The following PATJ variants were observed in gnomAD, a reference collection of about 807,000 sequenced individuals.
PATJ encodes the protein PATJ crumbs cell polarity complex component.
In PATJ, 190 loss-of-function variants were observed where a neutral mutation model predicts 224.9. The observed-to-expected ratio is 0.84, with a 90% CI of 0.75 to 0.95. PATJ has a LOEUF of 0.95. Ranked by LOEUF, PATJ falls within the 40% of genes least tolerant of loss-of-function variation. The pLI, the probability that PATJ is intolerant of heterozygous loss-of-function variation, is 0.00. For synonymous variants in PATJ, 769 were observed against 820.3 expected, an observed-to-expected ratio of 0.94 and a Z score of 1.07; for missense variants, 2,121 against 2,270.3, an observed-to-expected ratio of 0.93 and a Z score of 1.34.
intron 27 of PATJ, among the ~76,000 whole-genome samples, chr1:61,963,818 G>T (rs1413635428): frequency 6.6e-6 from 1 of 152,026 alleles, no homozygotes; most frequent in Non-Finnish European, 1.5e-5. Context: ...AGGGTTAATT[G>T]TATAGAATAA....
chr1:62,161,740 G>C lies in PATJ; in HGVS notation c.*686G>C, dbSNP rs920618520. On this transcript the variant is annotated 3_prime_UTR_variant, in exon 44 of 44. Coordinates refer to ENST00000642238, the MANE Select transcript of PATJ (RefSeq NM_001350145.3). ...TCTCTCCCTATCCCCTACTCACACC[G>C]AGGCTTAACAGCAACCTCAGATCTC... 3.9e-5 allele frequency: 6 copies of C among 152,126 alleles called. No homozygotes were observed. Among genetic ancestry groups the C allele is most frequent in the African/African-American group, 1.4e-4 (6 of 41,412 alleles). The allele number at this position is 152,126 out of a possible 1,614,324, so 9.4% of individuals were successfully genotyped here.
At position 62,079,568 on chromosome 1, in the gene PATJ, G is replaced by A. The variant is rs1220736664; in HGVS notation, c.4243+1G>A. 2 of 1,569,574 alleles carry A rather than the reference G, an allele frequency of 1.3e-6. No homozygotes were observed. Among genetic ancestry groups the A allele is most frequent in the South Asian group, 1.1e-5 (1 of 89,506 alleles). ...ACAGATGCAGACTTCACAGGCTATGGTATGATTCTTTCTCTCAGCAGATCT... is the reference window on the plus strand; with the variant it reads ...ACAGATGCAGACTTCACAGGCTATGATATGATTCTTTCTCTCAGCAGATCT... On this transcript the variant is annotated splice_donor_variant, in intron 32 of 43. Coordinates refer to ENST00000642238, the MANE Select transcript of PATJ (RefSeq NM_001350145.3). LOFTEE classifies it high-confidence loss of function.
At chr1:62,144,208 A>G (rs1339040472) in intron 41 of PATJ, among the ~76,000 whole-genome samples, 1 of 152,176 alleles carries the variant, frequency 6.6e-6, no homozygotes, top group Non-Finnish European at 1.5e-5. Context: ...TAACTTGGAC[A>G]TAGCAGTGTT....
intron 43 of PATJ, among the ~76,000 whole-genome samples, chr1:62,156,623 A>G (rs976319518): frequency 6.6e-6 from 1 of 152,018 alleles, no homozygotes; most frequent in South Asian, 2.1e-4. Context: ...GAGTTTTAAA[A>G]AAATCTGTGT....
intron 28 of PATJ, among the ~76,000 whole-genome samples, chr1:61,993,147 T>A (rs1449630652): frequency 6.6e-6 from 1 of 152,244 alleles, no homozygotes; most frequent in Non-Finnish European, 1.5e-5. Flanking sequence ...ACCAACCAGC[T>A]CTTAATTGGG....
intron 27 of PATJ, among the ~76,000 whole-genome samples, chr1:61,950,582 A>G (rs974606946): frequency 2.0e-5 from 3 of 152,212 alleles, no homozygotes; most frequent in African/African-American, 4.8e-5. Context: ...TACCTTGCCA[A>G]TAGGTGTCAC....
intron 27 of PATJ, among the ~76,000 whole-genome samples, chr1:61,977,614 G>A (rs985790246): frequency 2.0e-5 from 3 of 151,862 alleles, no homozygotes; most frequent in African/African-American, 4.9e-5. Context: ...GTTGAGTGGG[G>A]GGCTCCATTT....
At chr1:61,880,039 T>G (rs1245439235) in intron 21 of PATJ, among the ~76,000 whole-genome samples, 1 of 152,102 alleles carries the variant, frequency 6.6e-6, no homozygotes, top group Non-Finnish European at 1.5e-5. Context: ...GGTTTCATCA[T>G]GCTGGCCAGG....
chr1:62,000,135 C>T (rs941362328), intron 28 of PATJ, among the ~76,000 whole-genome samples: 12 of 152,074 alleles, frequency 7.9e-5, no homozygotes, highest in South Asian at 6.3e-4. Context: ...GTGATCCTCC[C>T]GCCTCGGCCT....
chr1:62,017,448 G>T (rs1308243607), intron 28 of PATJ, among the ~76,000 whole-genome samples: 1 of 151,504 alleles, frequency 6.6e-6, no homozygotes, highest in Admixed American at 6.6e-5. Context: ...TTAGGGCCAG[G>T]TGTGGTGGCT....
chr1:61,947,301 T>A (rs995137003), intron 27 of PATJ, among the ~76,000 whole-genome samples: 12 of 152,312 alleles, frequency 7.9e-5, no homozygotes, highest in African/African-American at 2.9e-4. Flanking sequence ...GATGACATGA[T>A]TGTATATTTA....
rs1391530932 is a variant in PATJ, at chr1:61,821,745, AG to A, written c.1684-1198del. 2.0e-5 allele frequency among the ~76,000 whole-genome samples: 3 copies of A among 152,192 alleles called. No individual in the cohort carries two copies. In the East Asian group the frequency reaches 5.8e-4, roughly 29 times the overall value. ...GTTCGAGGTAGGTCTGGTGTTTTTT[AG>A]GTATCAGACTATTGATACAGGAAAT... On this transcript the variant is annotated intron_variant, in intron 14 of 43. Transcript: ENST00000642238.
Position 62,095,772 on chromosome 1 carries a change from C to T in PATJ, c.4377+11124C>T, listed in dbSNP as rs1661324818. The stretch of plus-strand genomic sequence containing the variant: ...GGAGTTGTATTCTATAAAGTCAAGG[C>T]AAACACTGATTAGTGAAGAGTGAAC... On this transcript the variant is annotated intron_variant, in intron 33 of 43. Transcript: ENST00000642238. Among the ~76,000 whole-genome samples the T allele has an allele frequency of 2.0e-5, 3 of 152,144 alleles. No individual in the cohort carries two copies. The South Asian group carries it at 6.2e-4, about 32-fold the overall frequency.
chr1:61,999,420 C>T (rs2149596441), intron 28 of PATJ, among the ~76,000 whole-genome samples: 1 of 152,214 alleles, frequency 6.6e-6, no homozygotes, highest in African/African-American at 2.4e-5. Context: ...ATAAGAGAGG[C>T]ACTTTGGGAG....
intron 14 of PATJ, among the ~76,000 whole-genome samples, chr1:61,812,427 A>AGTGTGT (rs1203727955): frequency 4.4e-5 from 5 of 112,974 alleles, no homozygotes; most frequent in African/African-American, 1.7e-4. Context: ...AGAGAGAGAG[A>AGTGTGT]GAGAGAGTGT....
intron 14 of PATJ, among the ~76,000 whole-genome samples, chr1:61,810,487 CG>C (rs984463749): frequency 2.0e-5 from 3 of 151,678 alleles, no homozygotes; most frequent in Non-Finnish European, 2.9e-5. Context: ...TCATGAGGTC[CG>C]AAGTTCGAGA....
At chr1:61,908,579 T>A in intron 25 of PATJ, 97 bp downstream of exon 25, 1 of 738,528 alleles carries the variant, frequency 1.4e-6, no homozygotes, top group Non-Finnish European at 2.3e-6. Flanking sequence ...ATTTTCATTG[T>A]AGTTCCCAAA....
intron 41 of PATJ, among the ~76,000 whole-genome samples, chr1:62,140,119 CTG>C (rs1351481235): frequency 6.6e-6 from 1 of 152,124 alleles, no homozygotes; most frequent in Admixed American, 6.6e-5. Flanking sequence ...AAAGACCAAG[CTG>C]TCAGTGAAAG....
intron 27 of PATJ, among the ~76,000 whole-genome samples, chr1:61,959,420 A>AATATATATATAT (rs1557944838): frequency 3.2e-4 from 22 of 69,606 alleles, no homozygotes; most frequent in South Asian, 9.6e-4. Flanking sequence ...TTATATATAT[A>AATATATATATAT]ATATATTTTT....
Sources: gnomAD v4.1 joint callset for allele counts (sites outside exome capture counted in the v4.1 genomes callset) on GRCh38, gnomAD v4.1.1 for gene constraint, MANE v1.5 for transcripts, NCBI Gene and HGNC (gene_info 2026-07-23, HGNC 2026-07-21) for gene names.